The following HOMER2 variants were observed in gnomAD, a reference collection of about 807,000 sequenced individuals.
HOMER2 encodes homer scaffold protein 2, also known as homer protein homolog 2.
In HOMER2, 27 loss-of-function variants were observed where a neutral mutation model predicts 47.0. The ratio of observed to expected loss-of-function variants is 0.57; its 90% CI spans 0.42 to 0.79. HOMER2 has a LOEUF of 0.79. Ranked by LOEUF, HOMER2 falls within the 30% of genes least tolerant of loss-of-function variation. HOMER2 has a pLI of 0.00. For missense variants in HOMER2, 443 were observed against 435.0 expected, an observed-to-expected ratio of 1.02 and a Z score of -0.16; for synonymous variants, 161 against 163.8, an observed-to-expected ratio of 0.98 and a Z score of 0.13.
At chr15:82,892,879 T>C (rs371310980) in intron 1 of HOMER2, 38 bp from the exon 2 acceptor site, 15 of 1,429,668 alleles carry the variant, frequency 1.0e-5, no homozygotes, top group African/African-American at 4.2e-5. Flanking sequence ...TGAGAGAACA[T>C]GACTTAATGT....
At chr15:82,868,541 A>ATATATTTTTTT in intron 3 of HOMER2, among the ~76,000 whole-genome samples, 1 of 71,266 alleles carries the variant, frequency 1.4e-5, no homozygotes, top group Non-Finnish European at 2.8e-5. Context: ...ATATATATAT[A>ATATATTTTTTT]TTTTTTTTTT....
intron 1 of HOMER2, among the ~76,000 whole-genome samples, chr15:82,966,768 G>A (rs1032207543): frequency 4.6e-5 from 7 of 152,170 alleles, no homozygotes; most frequent in African/African-American, 1.7e-4. Context: ...AGTGAGCAAA[G>A]TTGTTTCTCA....
chr15:82,899,539 GTTC>G (rs772364865), intron 1 of HOMER2, among the ~76,000 whole-genome samples: 2 of 152,218 alleles, frequency 1.3e-5, no homozygotes, highest in Non-Finnish European at 2.9e-5. Flanking sequence ...GCATATTGGA[GTTC>G]TACTTTTATA....
intron 1 of HOMER2, among the ~76,000 whole-genome samples, chr15:82,968,944 T>C (rs1243295017): frequency 6.6e-6 from 1 of 152,216 alleles, no homozygotes; most frequent in African/African-American, 2.4e-5. Flanking sequence ...GGCTAGCAGA[T>C]GTTGGCAAAG....
intron 1 of HOMER2, among the ~76,000 whole-genome samples, chr15:82,982,890 A>T (rs944639144): frequency 6.6e-6 from 1 of 152,120 alleles, no homozygotes; most frequent in Non-Finnish European, 1.5e-5. Flanking sequence ...AAATATGGGT[A>T]TTTCCTGAGG....
intron 1 of HOMER2, among the ~76,000 whole-genome samples, chr15:82,894,487 C>T (rs967413065): frequency 1.2e-4 from 18 of 151,778 alleles, no homozygotes; most frequent in African/African-American, 4.1e-4. Flanking sequence ...CTGGCTAACA[C>T]GGTGAAGCCC....
At chr15:82,879,096 A>AT (rs1302830970) in intron 2 of HOMER2, among the ~76,000 whole-genome samples, 1 of 152,142 alleles carries the variant, frequency 6.6e-6, no homozygotes, top group Admixed American at 6.6e-5. Context: ...AGACATTGTT[A>AT]TTTTTTAGTT....
chr15:82,846,828 C>G (rs1388833260), downstream of HOMER2: 2 of 152,212 alleles, frequency 1.3e-5, no homozygotes, highest in Admixed American at 6.5e-5. Context: ...TTTTACATTC[C>G]CCGGGCGGCA....
At chr15:82,879,183 C>T (rs2052445080) in intron 2 of HOMER2, among the ~76,000 whole-genome samples, 1 of 152,164 alleles carries the variant, frequency 6.6e-6, no homozygotes, top group Non-Finnish European at 1.5e-5. Context: ...TCTATTTTGT[C>T]CATTTTCCCT....
At chr15:82,951,219 C>T (rs1646380725) in intron 1 of HOMER2, among the ~76,000 whole-genome samples, 1 of 152,110 alleles carries the variant, frequency 6.6e-6, no homozygotes, top group African/African-American at 2.4e-5. Flanking sequence ...AAGCACACTT[C>T]TTCAGCCCTC....
Position 82,853,591 on chromosome 15 carries a change from A to C in HOMER2, c.651+1053T>G, listed in dbSNP as rs116170439. Among the ~76,000 whole-genome samples, 1,259 of 152,272 alleles carry C rather than the reference A, an allele frequency of 8.3e-3. 13 individuals carry two copies. Among genetic ancestry groups the C allele is most frequent in the African/African-American group, 0.026 (1,066 of 41,556 alleles). ...AATCTAAATGGGACCTGTCCCCCTA[A>C]AACCCTGCACTGACGGAGCATACTC... is the stretch of plus-strand genomic sequence containing the variant. On this transcript the variant is annotated intron_variant, in intron 6 of 8. Coordinates refer to ENST00000450735, the MANE Select transcript of HOMER2 (RefSeq NM_004839.4).
chr15:82,964,223 C>A (rs1056182797), intron 1 of HOMER2, among the ~76,000 whole-genome samples: 25 of 152,186 alleles, frequency 1.6e-4, no homozygotes, highest in African/African-American at 4.6e-4. Flanking sequence ...TACAGGCTTG[C>A]CGAATGAAGC....
chr15:82,921,938 C>A (rs904825614), intron 1 of HOMER2, among the ~76,000 whole-genome samples: 2 of 152,228 alleles, frequency 1.3e-5, no homozygotes, highest in Admixed American at 6.5e-5. Flanking sequence ...TCCTTATTAT[C>A]ATTTTAATGG....
At chr15:82,957,420 A>G (rs776086305), upstream of HOMER2, among the ~76,000 whole-genome samples, 1 of 152,108 alleles carries the variant, frequency 6.6e-6, no homozygotes, top group Non-Finnish European at 1.5e-5. Flanking sequence ...TGAAATTTTC[A>G]TTTATTGTGA....
chr15:82,963,121 G>T (rs1403130451), intron 1 of HOMER2, among the ~76,000 whole-genome samples: 1 of 152,182 alleles, frequency 6.6e-6, no homozygotes, highest in Non-Finnish European at 1.5e-5. Flanking sequence ...TCTTGTTGTT[G>T]TTGCCCAGGC....
At chr15:82,972,739 G>A (rs2030040908) in intron 1 of HOMER2, among the ~76,000 whole-genome samples, 1 of 152,184 alleles carries the variant, frequency 6.6e-6, no homozygotes, top group Admixed American at 6.5e-5. Flanking sequence ...ACAAGAAAAT[G>A]GAGATTGCCT....
At chr15:82,949,832 C>T (rs991120074) in intron 1 of HOMER2, among the ~76,000 whole-genome samples, 3 of 152,192 alleles carry the variant, frequency 2.0e-5, no homozygotes, top group Non-Finnish European at 2.9e-5. Flanking sequence ...TGTCCAATAA[C>T]CACATGTGCT....
At chr15:82,976,711 C>T (rs530167046) in intron 1 of HOMER2, among the ~76,000 whole-genome samples, 37 of 111,664 alleles carry the variant, frequency 3.3e-4, no homozygotes, top group African/African-American at 1.3e-3. Context: ...CAGAGTTTTG[C>T]TCTTGTTGCC....
intron 1 of HOMER2, among the ~76,000 whole-genome samples, chr15:82,973,581 C>T (rs1596389054): frequency 6.6e-6 from 1 of 152,200 alleles, no homozygotes; most frequent in Admixed American, 6.5e-5. Flanking sequence ...AGAACCTCTC[C>T]CTTCTCAAGC....
Sources: gnomAD v4.1 joint callset for allele counts (sites outside exome capture counted in the v4.1 genomes callset) on GRCh38, gnomAD v4.1.1 for gene constraint, MANE v1.5 for transcripts, NCBI Gene and HGNC (gene_info 2026-07-23, HGNC 2026-07-21) for gene names.